The following ATG4C variants were observed in gnomAD, a reference collection of about 807,000 sequenced individuals.
The protein encoded by ATG4C is cysteine protease ATG4C.
ATG4C carries 56 observed loss-of-function variants against 57.6 expected under a neutral mutation model. The observed-to-expected ratio is 0.97, with a 90% CI of 0.78 to 1.21. The LOEUF (loss-of-function observed/expected upper bound fraction) is 1.21, where lower values mean the gene tolerates loss of function less well. Ranked by LOEUF, ATG4C falls within the 50% of genes most tolerant of loss-of-function variation. The probability of loss-of-function intolerance (pLI) is 0.00; values close to 1 mark genes in which losing one functional copy is unlikely to be tolerated. For synonymous variants in ATG4C, 157 were observed against 174.1 expected, an observed-to-expected ratio of 0.90 and a Z score of 0.78; for missense variants, 595 against 529.8, an observed-to-expected ratio of 1.12 and a Z score of -1.21.
chr1:62,793,844 C>G (rs188265025), intron 1 of ATG4C, among the ~76,000 whole-genome samples: 1 of 111,222 alleles, frequency 9.0e-6, no homozygotes, highest in East Asian at 2.0e-4. Flanking sequence ...ATATAAGTCT[C>G]TATATTAACT....
At chr1:62,826,192 A>T (rs906537258) in intron 6 of ATG4C, among the ~76,000 whole-genome samples, 5 of 149,756 alleles carry the variant, frequency 3.3e-5, no homozygotes, top group Non-Finnish European at 5.9e-5. Flanking sequence ...TACAGGCGTG[A>T]CCCACCACAC....
chr1:62,835,890 C>G (rs1357624209), intron 9 of ATG4C, among the ~76,000 whole-genome samples: 1 of 152,044 alleles, frequency 6.6e-6, no homozygotes, highest in Non-Finnish European at 1.5e-5. Flanking sequence ...TCGTAATTCT[C>G]TTTCTGCCTT....
rs542267992 is a variant in ATG4C, at chr1:62,819,243, T to C, written c.633T>C (p.Leu211=). The part of the protein sequence containing the change: ...ISWFGDSPLA[L]FGLHQLIEYG... Reference sequence around the variant, plus strand: ...GGTTTGGTGATTCCCCCTTGGCTCTTTTTGGCTTACATCAACTAATAGAAT... The same window carrying C: ...GGTTTGGTGATTCCCCCTTGGCTCTCTTTGGCTTACATCAACTAATAGAAT... The change falls in exon 5 of 11, where the codon CTT becomes CTC. Residue 211 remains leucine (L), a synonymous_variant. Coordinates refer to ENST00000317868, the MANE Select transcript of ATG4C (RefSeq NM_032852.4). 3.8e-4 allele frequency: 617 copies of C among 1,613,596 alleles called. 10 individuals carry two copies. In the South Asian group the frequency reaches 6.4e-3, roughly 17 times the overall value.
rs557077217 is a variant in ATG4C at position 62,794,555 on chromosome 1, G to A, written c.-68-9164G>A. Among the ~76,000 whole-genome samples the A allele has an allele frequency of 3.9e-5, 6 of 152,214 alleles. No homozygotes were observed. In the South Asian group the frequency reaches 6.2e-4, roughly 16 times the overall value. ...TCAAAGCCATTTTCTGAACCTGCAT[G>A]TCCTGCCTTTATTGTGTTGCTGTTC... On this transcript the variant is annotated intron_variant, in intron 1 of 10. Coordinates refer to ENST00000317868, the MANE Select transcript of ATG4C (RefSeq NM_032852.4).
chr1:62,847,447 AT>A (rs1666360034), intron 10 of ATG4C, among the ~76,000 whole-genome samples: 1 of 152,196 alleles, frequency 6.6e-6, no homozygotes, highest in African/African-American at 2.4e-5. Context: ...CGAGAAGAAA[AT>A]ACAGTGTCAT....
chr1:62,863,996 T>C lies in ATG4C; in HGVS notation c.1214T>C (p.Leu405Pro), dbSNP rs1407479905. The change falls in exon 11 of 11, where the codon CTG becomes CCG. Residue 405 changes from leucine to proline, a missense_variant. By Grantham distance (98) the Leu-to-Pro change is moderately conservative. Coordinates refer to ENST00000317868, the MANE Select transcript of ATG4C (RefSeq NM_032852.4). ...KRASEEITKM[L>P]KFSSKEKYPL... Reference sequence around the variant, plus strand: ...CTTCTATACTTTCTGTTACAGATGCTGAAATTTTCTTCTAAGGAGAAATAT... The same window carrying C: ...CTTCTATACTTTCTGTTACAGATGCCGAAATTTTCTTCTAAGGAGAAATAT... 2.5e-6 allele frequency: 4 copies of C among 1,568,738 alleles called. No homozygotes were observed. The highest frequency in any genetic ancestry group is 3.4e-6 in the Non-Finnish European group (4 of 1,160,668).
intron 9 of ATG4C, among the ~76,000 whole-genome samples, chr1:62,835,975 CAGT>C (rs1665987525): frequency 6.6e-6 from 1 of 152,020 alleles, no homozygotes; most frequent in Non-Finnish European, 1.5e-5. Context: ...TCCTTATAAA[CAGT>C]AGGTACTTGA....
chr1:62,830,916 C>T (rs1665819633), intron 7 of ATG4C, among the ~76,000 whole-genome samples: 1 of 152,116 alleles, frequency 6.6e-6, no homozygotes, highest in Non-Finnish European at 1.5e-5. Flanking sequence ...ATTTTGCCCT[C>T]ACAGTAGCTA....
intron 1 of ATG4C, among the ~76,000 whole-genome samples, chr1:62,790,518 T>C (rs986037559): frequency 2.0e-5 from 3 of 152,218 alleles, no homozygotes; most frequent in Non-Finnish European, 4.4e-5. Context: ...ATAGTCAAAA[T>C]AGGTGTTCAA....
rs540409281 is a variant in ATG4C, at chr1:62,865,287, T to C, written c.*1128T>C. The C allele has an allele frequency of 3.9e-5, 6 of 152,026 alleles. No homozygotes were observed. The East Asian group carries it at 1.2e-3, about 29-fold the overall frequency. 9.4% of individuals were successfully genotyped at this position (152,026 alleles called of 1,614,324 possible). A position where few individuals can be genotyped will look rare whatever the true frequency, so the allele number is the denominator to read the frequency against. ...TGAAAACAATATTAATTTTTTTAAG[T>C]GGAGCTTTCATGTTTCAGTGTAGAA... On this transcript the variant is annotated 3_prime_UTR_variant, in exon 11 of 11. Transcript: ENST00000317868.
At chr1:62,834,998 C>A in intron 9 of ATG4C, 146 bp downstream of exon 9, 1 of 611,304 alleles carries the variant, frequency 1.6e-6, no homozygotes, top group Non-Finnish European at 2.7e-6. Context: ...CCATAATTAA[C>A]ACAGTGGTCA....
chr1:62,806,776 G>C (rs1664894799), intron 3 of ATG4C, among the ~76,000 whole-genome samples: 1 of 152,070 alleles, frequency 6.6e-6, no homozygotes, highest in African/African-American at 2.4e-5. Context: ...TGAAATACTT[G>C]ATGTAAGAGG....
At chr1:62,808,806 C>A (rs542157931) in intron 3 of ATG4C, among the ~76,000 whole-genome samples, 1 of 152,310 alleles carries the variant, frequency 6.6e-6, no homozygotes, top group East Asian at 1.9e-4. Flanking sequence ...GTCATATTAA[C>A]AGCAGCTAGT....
rs1464616661 is a variant in ATG4C at position 62,863,979 on chromosome 1, C to G, written c.1210-13C>G. On this transcript the variant is annotated splice_polypyrimidine_tract_variant and intron_variant, in intron 10 of 10. Transcript: ENST00000317868. ...GCATCCAATAAGGAATTCTTCTATA[C>G]TTTCTGTTACAGATGCTGAAATTTT... 3 of 1,541,308 alleles carry G rather than the reference C, an allele frequency of 1.9e-6. No homozygotes were observed. Among genetic ancestry groups the G allele is most frequent in the Non-Finnish European group, 2.6e-6 (3 of 1,141,248 alleles).
chr1:62,797,593 C>T (rs1215404925), intron 1 of ATG4C, among the ~76,000 whole-genome samples: 1 of 151,718 alleles, frequency 6.6e-6, no homozygotes, highest in East Asian at 1.9e-4. Flanking sequence ...TTTCCAATTG[C>T]CTTTTTTTCT....
At chr1:62,804,743 G>C (rs536545574) in intron 2 of ATG4C, among the ~76,000 whole-genome samples, 1 of 151,992 alleles carries the variant, frequency 6.6e-6, no homozygotes, top group Admixed American at 6.6e-5. Flanking sequence ...GCTTCAACAG[G>C]AAAAAAGCTC....
At chr1:62,801,729 C>T (rs1232141665) in intron 1 of ATG4C, among the ~76,000 whole-genome samples, 14 of 151,120 alleles carry the variant, frequency 9.3e-5, no homozygotes, top group Non-Finnish European at 1.8e-4. Context: ...GAGGCCGAGG[C>T]GGGCGGATCA....
At chr1:62,785,321 G>A (rs1482760897) in intron 1 of ATG4C, 1 of 152,184 alleles carries the variant, frequency 6.6e-6, no homozygotes, top group Non-Finnish European at 1.5e-5. Flanking sequence ...AACAGGAAGA[G>A]TTTCTATTTA....
rs142066330 is a variant in ATG4C, at chr1:62,787,545, A to C, written c.-69+3272A>C. Among the ~76,000 whole-genome samples the C allele has an allele frequency of 8.2e-3, 1,245 of 152,286 alleles. 15 individuals carry two copies. Among genetic ancestry groups the C allele is most frequent in the African/African-American group, 0.027 (1,115 of 41,560 alleles). On this transcript the variant is annotated intron_variant, in intron 1 of 10. Coordinates refer to ENST00000317868, the MANE Select transcript of ATG4C (RefSeq NM_032852.4). ...GCTTCATTCATGTAATTTTTGATAGATATTGAACCCAAACAGTAGTGATTT... is the reference window on the plus strand; with the variant it reads ...GCTTCATTCATGTAATTTTTGATAGCTATTGAACCCAAACAGTAGTGATTT...
Sources: allele counts gnomAD v4.1 joint callset (sites outside exome capture counted in the v4.1 genomes callset), GRCh38; gene constraint gnomAD v4.1.1; transcripts MANE v1.5; gene names NCBI Gene and HGNC (gene_info 2026-07-23, HGNC 2026-07-21).